Variants in ACACB observed in about 807,000 individuals in gnomAD.
ACACB encodes acetyl-CoA carboxylase 2.
Under a neutral mutation model 278.8 loss-of-function variants are expected in ACACB, and 209 were observed. That is an observed-to-expected ratio of 0.75 (90% CI 0.67 to 0.84). The LOEUF (loss-of-function observed/expected upper bound fraction) is 0.84, where lower values mean the gene tolerates loss of function less well. Ranked by LOEUF, ACACB falls within the 40% of genes least tolerant of loss-of-function variation. The probability of loss-of-function intolerance (pLI) is 0.00; values close to 1 mark genes in which losing one functional copy is unlikely to be tolerated. For missense variants in ACACB, 2,850 were observed against 3,269.0 expected (o/e 0.87, Z 3.13); for synonymous variants, 1,174 against 1,285.6 (o/e 0.91, Z 1.86).
chr12:109,204,483 C>T (rs1225155549), intron 19 of ACACB, among the ~76,000 whole-genome samples: 4 of 151,886 alleles, frequency 2.6e-5, no homozygotes, highest in African/African-American at 9.7e-5. Flanking sequence ...CCATGTTGGC[C>T]AGGCTGATCT....
At chr12:109,185,879 A>G (rs989574915) in intron 12 of ACACB, 139 bp downstream of exon 12, 5 of 723,190 alleles carry the variant, frequency 6.9e-6, no homozygotes, top group Non-Finnish European at 8.6e-6. Context: ...AGGCATGGGA[A>G]GGGACATCCC....
At chr12:109,164,351 G>A (rs568974380) in intron 2 of ACACB, among the ~76,000 whole-genome samples, 4 of 152,106 alleles carry the variant, frequency 2.6e-5, no homozygotes, top group African/African-American at 9.7e-5. Context: ...TCCTGCCTCA[G>A]TCTCCCAAGT....
rs565617739 is a variant in ACACB at position 109,121,101 on chromosome 12, G to A, written c.-10+4397G>A. On this transcript the variant is annotated intron_variant, in intron 1 of 52. Coordinates refer to ENST00000338432, the MANE Select transcript of ACACB (RefSeq NM_001093.4). ...ACCACAGGTGCATATCACCACACTC[G>A]GCTAATTTTTGTATTTTTAGTAGAA... 2.6e-5 allele frequency among the ~76,000 whole-genome samples: 4 copies of A among 152,088 alleles called. 1 individual carries two copies. In the South Asian group the frequency reaches 6.2e-4, roughly 24 times the overall value.
In ACACB at chr12:109,209,819, ATG is replaced by A. The variant is rs60938194; in HGVS notation, c.3249+467_3249+468del. On this transcript the variant is annotated intron_variant, in intron 21 of 52. Transcript: ENST00000338432. ...TATATATATATACACACACATATAT[ATG>A]CATATATATACACATACACACACGT... Among the ~76,000 whole-genome samples the A allele has an allele frequency of 6.9e-3, 984 of 143,404 alleles. 43 individuals are homozygous for A. The highest frequency in any genetic ancestry group is 0.026 in the African/African-American group (932 of 35,524). 94.1% of individuals were successfully genotyped at this position (143,404 alleles called of 152,430 possible). A position where few individuals can be genotyped will look rare whatever the true frequency, so the allele number is the denominator to read the frequency against.
chr12:109,183,587 C>T (rs1039800081), intron 11 of ACACB, among the ~76,000 whole-genome samples: 2 of 151,898 alleles, frequency 1.3e-5, no homozygotes, highest in Admixed American at 6.6e-5. Flanking sequence ...CCAGACCATT[C>T]GCTCTTGGCA....
At chr12:109,237,104 G>A (rs1423770317) in intron 33 of ACACB, 61 bp from the exon 34 acceptor site, 12 of 1,560,738 alleles carry the variant, frequency 7.7e-6, no homozygotes, top group Admixed American at 3.3e-5. Context: ...AAGCAGGGAC[G>A]CAGCTCCAAC....
At chr12:109,239,803 GC>G (rs1157546285) in intron 34 of ACACB, 26 bp from the exon 35 acceptor site, 1 of 1,590,586 alleles carries the variant, frequency 6.3e-7, no homozygotes, top group Admixed American at 1.7e-5. Flanking sequence ...CCTGGCCTGA[GC>G]AGCTGCCCCT....
chr12:109,167,630 T>C (rs1290208736), intron 3 of ACACB, among the ~76,000 whole-genome samples: 3 of 126,502 alleles, frequency 2.4e-5, no homozygotes, highest in African/African-American at 9.5e-5. Flanking sequence ...TGTATATATA[T>C]ATATATATAT....
intron 15 of ACACB, 92 bp from the exon 16 acceptor site, chr12:109,193,556 C>T: frequency 9.5e-7 from 1 of 1,054,602 alleles, no homozygotes; most frequent in East Asian, 2.4e-5. Context: ...TTTGCTGATG[C>T]AGAGAGTTGC....
At chr12:109,258,862 G>A (rs1228009662) in intron 46 of ACACB, 111 bp from the exon 47 acceptor site, 4 of 1,390,854 alleles carry the variant, frequency 2.9e-6, no homozygotes, top group Non-Finnish European at 4.0e-6. Context: ...TGGTGCTGGG[G>A]CCAGCACAGA....
chr12:109,198,746 G>A (rs561939620), intron 17 of ACACB, among the ~76,000 whole-genome samples: 12 of 151,634 alleles, frequency 7.9e-5, no homozygotes, highest in African/African-American at 2.9e-4. Context: ...TCAGCCTCCT[G>A]AGTAGCTGGG....
At chr12:109,146,527 C>G (rs1009953053) in intron 2 of ACACB, among the ~76,000 whole-genome samples, 1 of 152,152 alleles carries the variant, frequency 6.6e-6, no homozygotes, top group Non-Finnish European at 1.5e-5. Flanking sequence ...TTTGGGAGTT[C>G]GCACTGGGTT....
intron 34 of ACACB, 56 bp from the exon 35 acceptor site, chr12:109,239,774 C>A (rs780261015): frequency 2.0e-6 from 3 of 1,504,458 alleles, no homozygotes; most frequent in Non-Finnish European, 2.7e-6. Context: ...TTCCAGCCAG[C>A]TGGGAGTAGG....
chr12:109,185,961 C>A (rs1378556578), intron 12 of ACACB, among the ~76,000 whole-genome samples: 1 of 151,998 alleles, frequency 6.6e-6, no homozygotes, highest in African/African-American at 2.4e-5. Context: ...GATGGAGTCT[C>A]ACCCTGTCAC....
chr12:109,214,785 A>G (rs1171738765), intron 22 of ACACB, among the ~76,000 whole-genome samples: 1 of 152,218 alleles, frequency 6.6e-6, no homozygotes, highest in Non-Finnish European at 1.5e-5. Flanking sequence ...TTGGAAGAAC[A>G]TCCAGGTTAA....
chr12:109,221,848 G>A (rs1220506335), intron 24 of ACACB, among the ~76,000 whole-genome samples: 1 of 151,528 alleles, frequency 6.6e-6, no homozygotes, highest in Admixed American at 6.6e-5. Context: ...CTAGCCACCT[G>A]GCACATAGTA....
rs537062203 is a variant in ACACB, at chr12:109,162,070, G to A, written c.654-4791G>A. On this transcript the variant is annotated intron_variant, in intron 2 of 52. Transcript: ENST00000338432. ...CAGCTCACTGCAACCTCTGCCTCCC[G>A]GGTTCAAGTGATTTTTGTGCCTCAG... Among the ~76,000 whole-genome samples the A allele has an allele frequency of 6.9e-4, 105 of 151,510 alleles. 1 individual carries two copies. Among genetic ancestry groups the A allele is most frequent in the Admixed American group, 4.2e-3 (64 of 15,198 alleles).
chr12:109,209,939 A>ATATATGTGTATACACACATT (rs2045653794), intron 21 of ACACB, among the ~76,000 whole-genome samples: 1 of 86,428 alleles, frequency 1.2e-5, no homozygotes, highest in Non-Finnish European at 2.5e-5. Context: ...ATACACACAT[A>ATATATGTGTATACACACATT]CACACACGTG....
chr12:109,214,411 G>A (rs2045935214), intron 22 of ACACB, among the ~76,000 whole-genome samples: 1 of 152,186 alleles, frequency 6.6e-6, no homozygotes, highest in Non-Finnish European at 1.5e-5. Context: ...AGCTGTTAGG[G>A]AGAGAGATTT....
Sources: gnomAD v4.1 joint callset for allele counts (sites outside exome capture counted in the v4.1 genomes callset) on GRCh38, gnomAD v4.1.1 for gene constraint, MANE v1.5 for transcripts, NCBI Gene and HGNC (gene_info 2026-07-23, HGNC 2026-07-21) for gene names.